ZNF574: variants seen among roughly 807,000 people sequenced by gnomAD.
The protein encoded by ZNF574 is zinc finger protein 574.
In ZNF574, 25 loss-of-function variants were observed where a neutral mutation model predicts 56.6. The observed-to-expected ratio is 0.44, with a 90% confidence interval of 0.32 to 0.62. The LOEUF is 0.62. ZNF574 is among the 20% of genes least tolerant of loss of function. ZNF574 has a pLI of 0.04. For synonymous variants in ZNF574, 543 were observed against 492.1 expected (o/e 1.10, Z -1.37); for missense variants, 1,065 against 1,218.9 (o/e 0.87, Z 1.88).
At chr19:42,077,791 G>T (rs1326416365) in intron 1 of ZNF574, among the ~76,000 whole-genome samples, 2 of 152,106 alleles carry the variant, frequency 1.3e-5, no homozygotes, top group African/African-American at 2.4e-5. Context: ...CTGGATAGGG[G>T]GTTAGGGTTG....
upstream of ZNF574, among the ~76,000 whole-genome samples, chr19:42,075,449 C>T (rs1340685560): frequency 3.3e-5 from 5 of 152,322 alleles, no homozygotes; most frequent in Admixed American, 1.3e-4. Flanking sequence ...GCTTCTTTTT[C>T]TCCATATCCT....
intron 1 of ZNF574, chr19:42,069,373 G>A (rs374183729): frequency 1.1e-3 from 164 of 155,324 alleles, no homozygotes; most frequent in African/African-American, 3.9e-3. Flanking sequence ...CCCCGCCGCC[G>A]GTGGTGGCTC....
chr19:42,075,699 C>G (rs1490564517), upstream of ZNF574, among the ~76,000 whole-genome samples: 1 of 151,996 alleles, frequency 6.6e-6, no homozygotes, highest in African/African-American at 2.4e-5. Context: ...CAAAGGTTCC[C>G]GTGCCTCCAT....
chr19:42,081,010 G>A lies in ZNF574; in HGVS notation c.2404G>A (p.Ala802Thr). 1 of 1,614,210 alleles carries A rather than the reference G, an allele frequency of 6.2e-7. No individual in the cohort carries two copies. Among genetic ancestry groups the A allele is most frequent in the Non-Finnish European group, 8.5e-7 (1 of 1,180,042 alleles). The change falls in exon 2 of 2, where the codon GCC becomes ACC. Residue 802 changes from alanine (A) to threonine (T), a missense_variant. By Grantham distance (58) the Ala-to-Thr change is moderately conservative. Coordinates refer to ENST00000359044, the MANE Select transcript of ZNF574 (RefSeq NM_022752.6). ...RPFACEVCGK[A>T]FAISMRLAEH... Reference sequence around the variant, plus strand: ...CTTTGCCTGTGAAGTGTGTGGCAAGGCCTTTGCCATCTCCATGCGCCTGGC... The same window carrying A: ...CTTTGCCTGTGAAGTGTGTGGCAAGACCTTTGCCATCTCCATGCGCCTGGC...
chr19:42,069,920 C>G (rs2146203432), intron 1 of ZNF574, among the ~76,000 whole-genome samples: 1 of 151,684 alleles, frequency 6.6e-6, no homozygotes, highest in Non-Finnish European at 1.5e-5. Context: ...AAGAAGGGGG[C>G]AAATGAGGTG....
At chr19:42,071,163 G>T (rs2076416712) in intron 1 of ZNF574, among the ~76,000 whole-genome samples, 1 of 151,914 alleles carries the variant, frequency 6.6e-6, no homozygotes, top group Admixed American at 6.6e-5. Context: ...AAGCTGGAGG[G>T]CAGAGCCAGA....
In ZNF574 at chr19:42,080,727, C is replaced by G; in HGVS notation, c.2121C>G (p.Ala707=). The G allele has an allele frequency of 6.2e-7, 1 of 1,613,744 alleles. No homozygotes were observed. Among genetic ancestry groups the G allele is most frequent in the Non-Finnish European group, 8.5e-7 (1 of 1,179,996 alleles). ...VLAKEPPAPR[A]PRATRAPVAS... ...CTAAGGAGCCCCCTGCCCCTCGAGC[C>G]CCACGGGCCACTCGTGCACCAGTTG... The change falls in exon 2 of 2, where the codon GCC becomes GCG. Residue 707 remains alanine (A), a synonymous_variant. Transcript: ENST00000359044. This position sits in a 1 kb window ranked among gnomAD's most constrained non-coding sequence, Gnocchi z 8.5.
upstream of ZNF574, among the ~76,000 whole-genome samples, chr19:42,072,093 C>G (rs1488470990): frequency 6.6e-6 from 1 of 152,044 alleles, no homozygotes; most frequent in Non-Finnish European, 1.5e-5. Flanking sequence ...ACTACCACCT[C>G]CAGAAAGACC....
upstream of ZNF574, among the ~76,000 whole-genome samples, chr19:42,075,710 T>TC (rs1261052331): frequency 1.3e-5 from 2 of 151,752 alleles, no homozygotes; most frequent in East Asian, 3.9e-4. Flanking sequence ...GTGCCTCCAT[T>TC]CCCCCGCTCC....
chr19:42,073,911 T>C (rs1245848859), upstream of ZNF574, among the ~76,000 whole-genome samples: 1 of 140,612 alleles, frequency 7.1e-6, no homozygotes, highest in East Asian at 2.2e-4. Context: ...GGGGGGTGGA[T>C]CACCTGAGGT....
rs780988137 is a variant in ZNF574, at chr19:42,078,773, T to C, written c.167T>C (p.Val56Ala). The change falls in exon 2 of 2, where the codon GTG (valine) becomes GCG (alanine). Residue 56 changes from valine to alanine, a missense_variant. Transcript: ENST00000359044. ...LVGVADPGVTVATDTASGTGL... is the reference protein window; with the variant it reads ...LVGVADPGVTAATDTASGTGL... Reference sequence around the variant, plus strand: ...GGCGTGGCTGATCCCGGAGTCACTGTGGCCACAGACACAGCTTCAGGCACG... The same window carrying C: ...GGCGTGGCTGATCCCGGAGTCACTGCGGCCACAGACACAGCTTCAGGCACG... 2 of 1,613,958 alleles carry C rather than the reference T, an allele frequency of 1.2e-6. No homozygotes were observed. The highest frequency in any genetic ancestry group is 1.7e-6 in the Non-Finnish European group (2 of 1,179,964).
At chr19:42,077,840 T>C (rs2076466414) in intron 1 of ZNF574, among the ~76,000 whole-genome samples, 1 of 152,076 alleles carries the variant, frequency 6.6e-6, no homozygotes, top group Non-Finnish European at 1.5e-5. Flanking sequence ...GTTAAGTAAT[T>C]AAACAGGGCT....
Position 42,080,388 on chromosome 19 carries a change from G to C in ZNF574, c.1782G>C (p.Leu594=). 6.2e-7 allele frequency: 1 copy of C among 1,614,230 alleles called. No homozygotes were observed. Among genetic ancestry groups the C allele is most frequent in the African/African-American group, 1.3e-5 (1 of 75,052 alleles). The part of the protein sequence containing the change: ...CGVRFHRPYR[L]LMHRYHHTGE... ...TGCGTTTTCACCGTCCTTACCGCCT[G>C]CTCATGCACCGCTACCATCACACAG... The change falls in exon 2 of 2, where the codon CTG becomes CTC. Residue 594 remains leucine, a synonymous_variant. Transcript: ENST00000359044. This position sits in a 1 kb window ranked among gnomAD's most constrained non-coding sequence, Gnocchi z 8.5.
chr19:42,069,119 G>A (rs1444729728), intron 1 of ZNF574: 2 of 423,858 alleles, frequency 4.7e-6, no homozygotes, highest in South Asian at 6.7e-5. Context: ...GGCCCCTAGT[G>A]GGGGAGGGTA....
rs113091672 is a variant in ZNF574 at position 42,079,725 on chromosome 19, C to G, written c.1119C>G (p.Phe373Leu). The change falls in exon 2 of 2, where the codon TTC becomes TTG. Residue 373 changes from phenylalanine (F) to leucine (L), a missense_variant. Coordinates refer to ENST00000359044, the MANE Select transcript of ZNF574 (RefSeq NM_022752.6). The surrounding 1 kb of genome is among the most constrained non-coding windows in gnomAD (Gnocchi z 4.3). ...TGTGTGTAGACTGTGGCCTGGCCTT[C>G]GGCACAGAGGCCCTCCTCCTGGCCC... Reference protein sequence around the residue: ...HFLCVDCGLAFGTEALLLAHR... With the variant: ...HFLCVDCGLALGTEALLLAHR... 6.2e-7 allele frequency: 1 copy of G among 1,614,030 alleles called. No individual in the cohort carries two copies. Among genetic ancestry groups the G allele is most frequent in the African/African-American group, 1.3e-5 (1 of 74,922 alleles).
At chr19:42,075,787 T>G (rs1488711147), upstream of ZNF574, among the ~76,000 whole-genome samples, 1 of 127,338 alleles carries the variant, frequency 7.9e-6, no homozygotes, top group Non-Finnish European at 1.9e-5. Flanking sequence ...TCCCCAACGC[T>G]GACTCCCTCA....
chr19:42,070,014 C>T (rs530038206), intron 1 of ZNF574, among the ~76,000 whole-genome samples: 8 of 151,876 alleles, frequency 5.3e-5, no homozygotes, highest in African/African-American at 1.9e-4. Flanking sequence ...CCAGGGGCTC[C>T]CGGTGCTGGG....
rs754633510 is a variant in ZNF574, at chr19:42,080,985, C to A, written c.2379C>A (p.Pro793=). 3 of 1,614,214 alleles carry A rather than the reference C, an allele frequency of 1.9e-6. No individual in the cohort carries two copies. Among genetic ancestry groups the A allele is most frequent in the Non-Finnish European group, 2.5e-6 (3 of 1,180,048 alleles). Residue 793 remains proline, a synonymous_variant, in exon 2 of 2, where the codon CCC becomes CCA. Coordinates refer to ENST00000359044, the MANE Select transcript of ZNF574 (RefSeq NM_022752.6). The surrounding 1 kb of genome is among the most constrained non-coding windows in gnomAD (Gnocchi z 8.5). The part of the protein sequence containing the change: ...DHRRLHTGER[P]FACEVCGKAF... Reference sequence around the variant, plus strand: ...GGCGCCTGCACACAGGTGAGCGGCCCTTTGCCTGTGAAGTGTGTGGCAAGG... The same window carrying A: ...GGCGCCTGCACACAGGTGAGCGGCCATTTGCCTGTGAAGTGTGTGGCAAGG...
chr19:42,079,326 T>C lies in ZNF574; in HGVS notation c.720T>C (p.Pro240=). Residue 240 remains proline, a synonymous_variant, in exon 2 of 2, where the codon CCT becomes CCC. Transcript: ENST00000359044. This position sits in a 1 kb window ranked among gnomAD's most constrained non-coding sequence, Gnocchi z 4.3. The part of the protein sequence containing the change: ...LEHQATHFPA[P]VPESQEPALQ... Reference sequence around the variant, plus strand: ...ACCAGGCCACTCACTTCCCTGCTCCTGTACCCGAGTCTCAGGAGCCTGCCT... The same window carrying C: ...ACCAGGCCACTCACTTCCCTGCTCCCGTACCCGAGTCTCAGGAGCCTGCCT... 6.2e-7 allele frequency: 1 copy of C among 1,613,642 alleles called. No homozygotes were observed. The highest frequency in any genetic ancestry group is 8.5e-7 in the Non-Finnish European group (1 of 1,179,734).
Sources: allele counts gnomAD v4.1 joint callset (sites outside exome capture counted in the v4.1 genomes callset), GRCh38; gene constraint gnomAD v4.1.1; non-coding constraint Gnocchi (gnomAD v3.1); transcripts MANE v1.5; gene names NCBI Gene and HGNC (gene_info 2026-07-23, HGNC 2026-07-21).